Variants in EFCAB7 observed in about 807,000 individuals in gnomAD.
EFCAB7 encodes the protein EF-hand calcium binding domain 7.
A neutral mutation model predicts 77.1 loss-of-function variants in EFCAB7; 66 were observed. That is an observed-to-expected ratio of 0.86 (90% CI 0.70 to 1.05). The LOEUF (loss-of-function observed/expected upper bound fraction) is 1.05, where lower values mean the gene tolerates loss of function less well. Among genes scored for constraint, EFCAB7 ranks in the 50% least tolerant of loss-of-function variants. The pLI is 0.00. For synonymous variants in EFCAB7, 225 were observed against 243.3 expected (o/e 0.92, Z 0.70); for missense variants, 638 against 730.5 (o/e 0.87, Z 1.46).
rs1647103737 is a variant in EFCAB7, at chr1:63,561,774, G to T, written c.1414G>T (p.Ala472Ser). The change falls in exon 11 of 14, where the codon GCT becomes TCT. Residue 472 changes from alanine to serine, a missense_variant. Coordinates refer to ENST00000371088, the MANE Select transcript of EFCAB7 (RefSeq NM_032437.4). The stretch of plus-strand genomic sequence containing the variant: ...ATTTATGGATTTGAATCTAATGGAA[G>T]CTAATGATCGAGAAGGAGATCCTTG... The part of the protein sequence containing the change: ...QGFMDLNLME[A>S]NDREGDPCDL... The T allele has an allele frequency of 4.3e-6, 7 of 1,610,448 alleles. No individual in the cohort carries two copies. In the South Asian group the frequency reaches 7.7e-5, roughly 18 times the overall value.
At chr1:63,558,923 C>T (rs887778286) in intron 10 of EFCAB7, among the ~76,000 whole-genome samples, 16 of 151,458 alleles carry the variant, frequency 1.1e-4, no homozygotes, top group African/African-American at 3.9e-4. Context: ...TGGCTCATGC[C>T]TATAATCCTA....
intron 10 of EFCAB7, among the ~76,000 whole-genome samples, chr1:63,558,873 G>T (rs1240217673): frequency 2.0e-5 from 3 of 151,670 alleles, no homozygotes; most frequent in Admixed American, 1.3e-4. Context: ...TTTATTTTTA[G>T]AGCAATTTTA....
intron 11 of EFCAB7, among the ~76,000 whole-genome samples, chr1:63,566,348 G>A (rs945306999): frequency 2.0e-4 from 31 of 152,216 alleles, no homozygotes; most frequent in Non-Finnish European, 3.5e-4. Flanking sequence ...GCCTATCAGA[G>A]GGTGAAGAGT....
chr1:63,549,732 CT>C (rs369947835), intron 7 of EFCAB7: 12 of 217,122 alleles, frequency 5.5e-5, no homozygotes, highest in East Asian at 1.5e-4. Flanking sequence ...CTTCCATTGT[CT>C]TTTTTTTAAG....
rs575563288 is a variant in EFCAB7, at chr1:63,551,817, G to A, written c.1039G>A (p.Glu347Lys). 20 of 1,589,474 alleles carry A rather than the reference G, an allele frequency of 1.3e-5. No homozygotes were observed. In the Admixed American group the frequency reaches 1.5e-4, roughly 12 times the overall value. The stretch of plus-strand genomic sequence containing the variant: ...AAATCTACAGCTTGTGTGTTTTACC[G>A]AACTACGAAATAGAGAAGTATACAT... Reference protein sequence around the residue: ...QANLQLVCFTELRNREVFGWT... With the variant: ...QANLQLVCFTKLRNREVFGWT... The change falls in exon 8 of 14, where the codon GAA becomes AAA. Residue 347 changes from glutamate to lysine, a missense_variant. By Grantham distance (56) the Glu-to-Lys change is moderately conservative. Coordinates refer to ENST00000371088, the MANE Select transcript of EFCAB7 (RefSeq NM_032437.4).
chr1:63,541,352 C>T (rs1028197560), intron 6 of EFCAB7, among the ~76,000 whole-genome samples: 1 of 152,110 alleles, frequency 6.6e-6, no homozygotes, highest in Non-Finnish European at 1.5e-5. Flanking sequence ...GTAAAATTGG[C>T]AGTACTGTTT....
In EFCAB7 at chr1:63,534,053, A is replaced by G. The variant is rs1308115245; in HGVS notation, c.683-42A>G. The G allele has an allele frequency of 3.1e-6, 5 of 1,608,790 alleles. No homozygotes were observed. The Admixed American group carries it at 6.7e-5, about 22-fold the overall frequency. Reference sequence around the variant, plus strand: ...TGTTTGGAAAAAACTCCTATTGACAACTTTTCATAATGTCAGACCAAATAA... The same window carrying G: ...TGTTTGGAAAAAACTCCTATTGACAGCTTTTCATAATGTCAGACCAAATAA... On this transcript the variant is annotated intron_variant, in intron 5 of 13. Transcript: ENST00000371088.
At chr1:63,570,682 G>A (rs1647232418) in intron 12 of EFCAB7, 1 of 160,422 alleles carries the variant, frequency 6.2e-6, no homozygotes, top group African/African-American at 2.4e-5. Context: ...AATGGAAGTT[G>A]AAAAAACTAG....
chr1:63,566,969 C>G (rs999607468), intron 11 of EFCAB7, among the ~76,000 whole-genome samples: 1 of 151,208 alleles, frequency 6.6e-6, no homozygotes, highest in African/African-American at 2.4e-5. Context: ...AGACTTCTTT[C>G]TTTTATTTTC....
chr1:63,535,820 C>T (rs1646755689), intron 6 of EFCAB7, among the ~76,000 whole-genome samples: 1 of 151,764 alleles, frequency 6.6e-6, no homozygotes, highest in Non-Finnish European at 1.5e-5. Context: ...TAACTGGATG[C>T]TTGTATGGGA....
intron 10 of EFCAB7, among the ~76,000 whole-genome samples, chr1:63,560,593 T>G (rs1339364301): frequency 6.7e-6 from 1 of 148,152 alleles, no homozygotes; most frequent in Non-Finnish European, 1.5e-5. Flanking sequence ...CTCAGCTCAC[T>G]GCAACCTCCG....
chr1:63,561,416 C>T (rs977166761), intron 10 of EFCAB7, among the ~76,000 whole-genome samples: 4 of 151,920 alleles, frequency 2.6e-5, no homozygotes, highest in Non-Finnish European at 5.9e-5. Flanking sequence ...TGGAATTTAC[C>T]CAGAAATATT....
intron 11 of EFCAB7, among the ~76,000 whole-genome samples, chr1:63,567,779 A>G (rs1464114259): frequency 3.3e-5 from 5 of 152,168 alleles, no homozygotes; most frequent in Non-Finnish European, 7.4e-5. Context: ...TTTTTACCAC[A>G]TTGTAGGCTG....
At chr1:63,555,267 T>C in intron 8 of EFCAB7, 91 bp from the exon 9 acceptor site, 1 of 1,343,810 alleles carries the variant, frequency 7.4e-7, no homozygotes, top group Non-Finnish European at 1.0e-6. Context: ...ATTTCTAATG[T>C]GTCCCTTTCA....
At chr1:63,558,924 T>C (rs937949439) in intron 10 of EFCAB7, among the ~76,000 whole-genome samples, 3 of 151,746 alleles carry the variant, frequency 2.0e-5, no homozygotes, top group Admixed American at 6.6e-5. Flanking sequence ...GGCTCATGCC[T>C]ATAATCCTAG....
the EFCAB7 span, among the ~76,000 whole-genome samples, chr1:63,584,328 A>G: frequency 6.6e-6 from 1 of 152,090 alleles, no homozygotes; most frequent in African/African-American, 2.4e-5. Flanking sequence ...GCTGAGGTGG[A>G]AGGATTGCTT....
intron 7 of EFCAB7, chr1:63,548,203 TAG>T (rs1239440471): frequency 1.3e-5 from 2 of 152,150 alleles, no homozygotes; most frequent in Non-Finnish European, 2.9e-5. Flanking sequence ...GAACAGAGGC[TAG>T]AGTGTCTCAA....
chr1:63,558,472 C>A (rs1290169297), intron 10 of EFCAB7, among the ~76,000 whole-genome samples: 1 of 152,104 alleles, frequency 6.6e-6, no homozygotes, highest in African/African-American at 2.4e-5. Context: ...GGTTAAGTAA[C>A]CTGACCAAGG....
Position 63,568,297 on chromosome 1 carries a change from T to A in EFCAB7, c.1498-13T>A. 1.3e-6 allele frequency: 2 copies of A among 1,581,130 alleles called. No individual in the cohort carries two copies. The highest frequency in any genetic ancestry group is 1.7e-6 in the Non-Finnish European group (2 of 1,166,206). On this transcript the variant is annotated splice_polypyrimidine_tract_variant and intron_variant, in intron 11 of 13. Transcript: ENST00000371088. The stretch of plus-strand genomic sequence containing the variant: ...TATCAAAAGGCTGAAACAAGATTTT[T>A]TTTTCCTATCAGGCATGTCCATTTG...
Sources: allele counts gnomAD v4.1 joint callset (sites outside exome capture counted in the v4.1 genomes callset), GRCh38; gene constraint gnomAD v4.1.1; transcripts MANE v1.5; gene names NCBI Gene and HGNC (gene_info 2026-07-23, HGNC 2026-07-21).